The following PIKFYVE variants were observed in gnomAD, a reference collection of about 807,000 sequenced individuals.
The protein encoded by PIKFYVE is 1-phosphatidylinositol 3-phosphate 5-kinase.
A neutral mutation model predicts 257.9 loss-of-function variants in PIKFYVE; 122 were observed. The ratio of observed to expected loss-of-function variants is 0.47; its 90% confidence interval spans 0.41 to 0.55. The LOEUF is 0.55. Ranked by LOEUF, PIKFYVE falls within the 20% of genes least tolerant of loss-of-function variation. PIKFYVE has a pLI of 0.00. For synonymous variants in PIKFYVE, 892 were observed against 868.9 expected (o/e 1.03, Z -0.47); for missense variants, 2,160 against 2,536.6 (o/e 0.85, Z 3.19).
rs887808024 is a variant in PIKFYVE, at chr2:208,284,262, T to C, written c.614-1464T>C. Among the ~76,000 whole-genome samples, 4 of 106,992 alleles carry C rather than the reference T, an allele frequency of 3.7e-5. No individual in the cohort carries two copies. In the East Asian group the frequency reaches 9.0e-4, roughly 24 times the overall value. The allele number at this position is 106,992 out of a possible 152,430, so 70.2% of individuals were successfully genotyped here. On this transcript the variant is annotated intron_variant, in intron 5 of 41. Transcript: ENST00000264380. ...TCTCAAGAATATTTCATTTCTATCCTTTTTTTTTTTTTTTTCCCAGACAGT... is the reference window on the plus strand; with the variant it reads ...TCTCAAGAATATTTCATTTCTATCCCTTTTTTTTTTTTTTTCCCAGACAGT...
chr2:208,268,908 C>T (rs1436445953), intron 1 of PIKFYVE, among the ~76,000 whole-genome samples: 3 of 151,862 alleles, frequency 2.0e-5, no homozygotes, highest in South Asian at 2.1e-4. Context: ...TTAGAGAACG[C>T]GGATAGGCTA....
intron 7 of PIKFYVE, among the ~76,000 whole-genome samples, chr2:208,292,263 G>T (rs1424575689): frequency 1.3e-5 from 2 of 152,000 alleles, no homozygotes; most frequent in Non-Finnish European, 2.9e-5. Flanking sequence ...AGAGGAATGT[G>T]CATTCTGTTG....
intron 22 of PIKFYVE, 58 bp from the exon 23 acceptor site, chr2:208,330,465 A>T (rs1449037919): frequency 1.3e-6 from 2 of 1,599,340 alleles, no homozygotes; most frequent in South Asian, 1.1e-5. Flanking sequence ...GCACTTTGAC[A>T]GTGGTTCTGA....
intron 36 of PIKFYVE, 73 bp from the exon 37 acceptor site, chr2:208,350,698 G>A: frequency 6.6e-7 from 1 of 1,522,332 alleles, no homozygotes; most frequent in Non-Finnish European, 9.1e-7. Context: ...CCAGGGTAGG[G>A]AGTGAGGGAG....
chr2:208,346,032 TTTTTCTTTTC>T lies in PIKFYVE; in HGVS notation c.5112-17_5112-8del, dbSNP rs1217668729. 1.1e-5 allele frequency: 17 copies of T among 1,595,406 alleles called. No homozygotes were observed. The highest frequency in any genetic ancestry group is 1.5e-5 in the Non-Finnish European group (17 of 1,163,558). On this transcript the variant is annotated splice_region_variant and splice_polypyrimidine_tract_variant and intron_variant, in intron 33 of 41. Coordinates refer to ENST00000264380, the MANE Select transcript of PIKFYVE (RefSeq NM_015040.4). ...TTGTATAAAACTAAATTTTTCTTTT[TTTTTCTTTTC>T]ATTTTAGTACTTCAGATAGCAGACC...
chr2:208,268,799 C>A (rs550514318), intron 1 of PIKFYVE, among the ~76,000 whole-genome samples: 2 of 151,670 alleles, frequency 1.3e-5, no homozygotes, highest in East Asian at 1.9e-4. Flanking sequence ...TTCTTCCCCC[C>A]CCAATAAACA....
At chr2:208,285,100 A>G (rs1691380795) in intron 5 of PIKFYVE, among the ~76,000 whole-genome samples, 1 of 151,736 alleles carries the variant, frequency 6.6e-6, no homozygotes, top group Admixed American at 6.6e-5. Context: ...TATTTTATTT[A>G]TTTATTTATT....
intron 7 of PIKFYVE, among the ~76,000 whole-genome samples, chr2:208,297,994 T>A (rs530667926): frequency 1.3e-5 from 2 of 152,334 alleles, no homozygotes; most frequent in South Asian, 4.1e-4. Context: ...TTGAGGACAA[T>A]ATTTTAAATA....
chr2:208,300,397 A>G (rs1407686377), intron 8 of PIKFYVE, among the ~76,000 whole-genome samples: 4 of 152,206 alleles, frequency 2.6e-5, no homozygotes, highest in Non-Finnish European at 4.4e-5. Flanking sequence ...GGGCAATGAG[A>G]AAGGAAAGTT....
intron 17 of PIKFYVE, among the ~76,000 whole-genome samples, chr2:208,322,314 A>G (rs1696338046): frequency 6.8e-6 from 1 of 147,534 alleles, no homozygotes; most frequent in Non-Finnish European, 1.5e-5. Context: ...TTGAGGTCAC[A>G]GTGAGCTATG....
Position 208,353,934 on chromosome 2 carries a change from G to A in PIKFYVE, c.5881G>A (p.Val1961Ile), listed in dbSNP as rs746562073. Residue 1961 changes from valine to isoleucine, a missense_variant, in exon 40 of 42, where the codon GTA (valine) becomes ATA (isoleucine). Transcript: ENST00000264380. ...GAAGGGCTCTCTTAGGAATCGGAAT[G>A]TAAAAACTGACACTGGAAAAGAGAG... ...DLKGSLRNRN[V>I]KTDTGKESCD... is the part of the protein sequence containing the mutation. The A allele has an allele frequency of 1.2e-6, 2 of 1,614,010 alleles. No homozygotes were observed. Among genetic ancestry groups the A allele is most frequent in the African/African-American group, 1.3e-5 (1 of 75,046 alleles).
intron 5 of PIKFYVE, among the ~76,000 whole-genome samples, chr2:208,281,281 C>T (rs556413910): frequency 1.3e-5 from 2 of 152,322 alleles, no homozygotes; most frequent in Admixed American, 6.5e-5. Flanking sequence ...GTCTATGTTT[C>T]AGCCAGTCAT....
intron 6 of PIKFYVE, among the ~76,000 whole-genome samples, chr2:208,286,831 A>T (rs1691639895): frequency 6.6e-6 from 1 of 151,632 alleles, no homozygotes; most frequent in Non-Finnish European, 1.5e-5. Flanking sequence ...GCCTCTGATT[A>T]TTTTCTTTAG....
chr2:208,355,059 C>T, intron 41 of PIKFYVE, 131 bp from the exon 42 acceptor site: 1 of 749,506 alleles, frequency 1.3e-6, no homozygotes, highest in Non-Finnish European at 2.4e-6. Context: ...GATAACCTTT[C>T]CTGCCCACTC....
intron 2 of PIKFYVE, among the ~76,000 whole-genome samples, chr2:208,272,685 A>T (rs1434940552): frequency 6.6e-6 from 1 of 152,174 alleles, no homozygotes; most frequent in Non-Finnish European, 1.5e-5. Flanking sequence ...AGAGGTTAAT[A>T]GTGTTAATTA....
chr2:208,351,497 C>T (rs1357067247), intron 38 of PIKFYVE, 42 bp downstream of exon 38: 3 of 1,427,556 alleles, frequency 2.1e-6, no homozygotes, highest in Non-Finnish European at 3.0e-6. Context: ...AGTTTGGTGG[C>T]TTTTTTCACA....
rs1037223631 is a variant in PIKFYVE, at chr2:208,266,272, A to G, written c.-153A>G. ...GGGGAAGCGAGAAGCCGCATCAACC[A>G]TGTAAGCAGCTTCGCTTCCTGCCGC... On this transcript the variant is annotated 5_prime_UTR_variant, in exon 1 of 42. An upstream start codon of the reference 5' UTR is lost. Transcript: ENST00000264380. 4.6e-5 allele frequency: 7 copies of G among 152,110 alleles called. No individual in the cohort carries two copies. The highest frequency in any genetic ancestry group is 8.8e-5 in the Non-Finnish European group (6 of 68,072). The allele number at this position is 152,110 out of a possible 1,614,324, so 9.4% of individuals were successfully genotyped here.
intron 1 of PIKFYVE, among the ~76,000 whole-genome samples, chr2:208,270,202 C>T (rs1203908834): frequency 6.6e-6 from 1 of 151,834 alleles, no homozygotes; most frequent in Non-Finnish European, 1.5e-5. Context: ...CCACCATGTC[C>T]AGCTAATTTT....
chr2:208,266,606 T>G (rs1343905036), intron 1 of PIKFYVE, among the ~76,000 whole-genome samples, 191 bp downstream of exon 1: 3 of 152,202 alleles, frequency 2.0e-5, no homozygotes, highest in Admixed American at 6.5e-5. Context: ...TCCTCCCTAT[T>G]CCCCGGCTGC....
Sources: gnomAD v4.1 joint callset for allele counts (sites outside exome capture counted in the v4.1 genomes callset) on GRCh38, gnomAD v4.1.1 for gene constraint, MANE v1.5 for transcripts, NCBI Gene and HGNC (gene_info 2026-07-23, HGNC 2026-07-21) for gene names.